CDK2: variants seen among roughly 807,000 people sequenced by gnomAD.
The protein encoded by CDK2 is cyclin dependent kinase 2.
CDK2 carries 8 observed loss-of-function variants against 35.0 expected under a neutral mutation model. The ratio of observed to expected loss-of-function variants is 0.23; its 90% CI spans 0.13 to 0.41. CDK2 has a LOEUF of 0.41. CDK2 is among the 10% of genes least tolerant of loss of function. The pLI is 1.00. For synonymous variants in CDK2, 134 were observed against 137.7 expected (o/e 0.97, Z 0.19); for missense variants, 201 against 367.1 (o/e 0.55, Z 3.70).
intron 6 of CDK2, 130 bp from the exon 7 acceptor site, chr12:55,971,391 C>T (rs1889470669): frequency 3.4e-5 from 37 of 1,083,464 alleles, no homozygotes; most frequent in Non-Finnish European, 5.0e-5. Flanking sequence ...ACTGATTCAG[C>T]TATGGGAGGA....
chr12:55,968,712 G>C, intron 3 of CDK2, 66 bp from the exon 4 acceptor site: 1 of 1,277,382 alleles, frequency 7.8e-7, no homozygotes, highest in Non-Finnish European at 1.1e-6. Context: ...AGTTTTAGGG[G>C]CACAGAGCAA....
chr12:55,966,926 GC>G lies in CDK2; in HGVS notation c.-78del. ...ACTGGGCCCTGTTTCCCCCTCCTCG[GC>G]CCCCGAGAGCCAGGGTCCGCCTTCT... On this transcript the variant is annotated 5_prime_UTR_variant, in exon 1 of 7. Coordinates refer to ENST00000266970, the MANE Select transcript of CDK2 (RefSeq NM_001798.5). The G allele has an allele frequency of 8.6e-7, 1 of 1,162,156 alleles. No individual in the cohort carries two copies. The highest frequency in any genetic ancestry group is 1.2e-6 in the Non-Finnish European group (1 of 801,716). 72.0% of individuals were successfully genotyped at this position (1,162,156 alleles called of 1,614,324 possible).
At chr12:55,969,362 A>G (rs1261960939) in intron 4 of CDK2, 113 bp from the exon 5 acceptor site, 5 of 515,454 alleles carry the variant, frequency 9.7e-6, no homozygotes, top group Non-Finnish European at 1.8e-5. Flanking sequence ...GATGGAGGGA[A>G]GGAAACTGCT....
chr12:55,968,700 A>C, intron 3 of CDK2, 78 bp from the exon 4 acceptor site: 2 of 1,082,748 alleles, frequency 1.8e-6, no homozygotes, highest in African/African-American at 1.6e-5. Flanking sequence ...AGGCTTTAGT[A>C]GAGTTTTAGG....
chr12:55,969,009 CAA>C, intron 4 of CDK2, 61 bp downstream of exon 4: 1 of 1,252,782 alleles, frequency 8.0e-7, no homozygotes, highest in Non-Finnish European at 1.1e-6. Flanking sequence ...AGGGTATTCA[CAA>C]AGTTACTAAA....
intron 1 of CDK2, 92 bp downstream of exon 1, chr12:55,967,216 G>T: frequency 1.1e-6 from 1 of 899,186 alleles, no homozygotes; most frequent in South Asian, 1.4e-5. Context: ...CCAGGGACCG[G>T]AAGAGAGCAG....
At chr12:55,969,005 T>G in intron 4 of CDK2, 57 bp downstream of exon 4, 2 of 1,290,400 alleles carry the variant, frequency 1.5e-6, no homozygotes, top group East Asian at 4.8e-5. Flanking sequence ...AACTAGGGTA[T>G]TCACAAAGTT....
chr12:55,971,661 TCTC>T lies in CDK2; in HGVS notation c.*41_*43del. On this transcript the variant is annotated 3_prime_UTR_variant, in exon 7 of 7. Coordinates refer to ENST00000266970, the MANE Select transcript of CDK2 (RefSeq NM_001798.5). ...GAAGCCCCCAGCCCTAATCTCACCCTCTCCTCCAGTGTGGGCTTGACCAGGCTT... is the reference window on the plus strand; with the variant it reads ...GAAGCCCCCAGCCCTAATCTCACCCTCTCCAGTGTGGGCTTGACCAGGCTT... 1.4e-6 allele frequency: 2 copies of T among 1,469,078 alleles called. No homozygotes were observed. The highest frequency in any genetic ancestry group is 1.9e-6 in the Non-Finnish European group (2 of 1,047,906). The allele number at this position is 1,469,078 out of a possible 1,614,324, so 91.0% of individuals were successfully genotyped here. A position where few individuals can be genotyped will look rare whatever the true frequency, so the allele number is the denominator to read the frequency against.
intron 5 of CDK2, 83 bp from the exon 6 acceptor site, chr12:55,970,961 G>A (rs771751594): frequency 1.9e-5 from 23 of 1,211,948 alleles, no homozygotes; most frequent in South Asian, 6.0e-5. Context: ...ACCTTTTACT[G>A]TCTGTGGGAA....
At chr12:55,970,584 A>T in intron 5 of CDK2, 1 of 701,298 alleles carries the variant, frequency 1.4e-6, no homozygotes, top group Non-Finnish European at 2.6e-6. Context: ...ATTCATCAAA[A>T]AATATTTGTT....
chr12:55,972,660 C>CT lies in CDK2; in HGVS notation c.*1036dup, dbSNP rs1491105155. The CT allele has an allele frequency of 8.3e-6, 1 of 120,120 alleles. No homozygotes were observed. Among genetic ancestry groups the CT allele is most frequent in the Non-Finnish European group, 1.8e-5 (1 of 56,662 alleles). The allele number at this position is 120,120 out of a possible 1,614,324, so 7.4% of individuals were successfully genotyped here. ...ACCTTGGGGTTTTGTAATGACAGTG[C>CT]TAAAAAAAAAAAGCATTTTTTTTTT... is the stretch of plus-strand genomic sequence containing the variant. On this transcript the variant is annotated 3_prime_UTR_variant, in exon 7 of 7. Transcript: ENST00000266970.
chr12:55,970,677 G>T, intron 5 of CDK2: 1 of 702,340 alleles, frequency 1.4e-6, no homozygotes, highest in Non-Finnish European at 2.6e-6. Context: ...TGCCCGCTGT[G>T]CTCGTATCTA....
chr12:55,971,661 T>C lies in CDK2; in HGVS notation c.*36T>C. On this transcript the variant is annotated 3_prime_UTR_variant, in exon 7 of 7. Transcript: ENST00000266970. ...GAAGCCCCCAGCCCTAATCTCACCC[T>C]CTCCTCCAGTGTGGGCTTGACCAGG... 1 of 1,469,078 alleles carries C rather than the reference T, an allele frequency of 6.8e-7. No individual in the cohort carries two copies. Among genetic ancestry groups the C allele is most frequent in the East Asian group, 2.3e-5 (1 of 44,198 alleles). 91.0% of individuals were successfully genotyped at this position (1,469,078 alleles called of 1,614,324 possible).
At chr12:55,969,831 G>A in intron 5 of CDK2, 1 of 308,016 alleles carries the variant, frequency 3.2e-6, no homozygotes. Context: ...CATTTCTGCA[G>A]CTGTTTTAGC....
chr12:55,970,147 C>T (rs1889435285), intron 5 of CDK2, among the ~76,000 whole-genome samples: 1 of 151,774 alleles, frequency 6.6e-6, no homozygotes, highest in Non-Finnish European at 1.5e-5. Context: ...CCAGGTGTGG[C>T]TACTTGGGAT....
chr12:55,968,211 G>C (rs1339630940), intron 3 of CDK2, 42 bp downstream of exon 3: 1 of 1,608,128 alleles, frequency 6.2e-7, no homozygotes, highest in South Asian at 1.1e-5. Context: ...GGCATGTCTT[G>C]GGGGACTGGT....
At chr12:55,969,614 C>G (rs747228634) in intron 5 of CDK2, 38 bp downstream of exon 5, 1 of 1,171,290 alleles carries the variant, frequency 8.5e-7, no homozygotes, top group East Asian at 2.4e-5. Flanking sequence ...AGCCCCCTCC[C>G]TCTCCTCCCC....
chr12:55,967,634 CT>C, intron 1 of CDK2: 1 of 564,550 alleles, frequency 1.8e-6, no homozygotes, highest in Non-Finnish European at 3.2e-6. Context: ...CACCAGGCGG[CT>C]TTACTTACCT....
chr12:55,967,863 T>C lies in CDK2; in HGVS notation c.123T>C (p.Thr41=), dbSNP rs568687267. 1.2e-5 allele frequency: 20 copies of C among 1,613,754 alleles called. No individual in the cohort carries two copies. In the East Asian group the frequency reaches 4.0e-4, roughly 32 times the overall value. ...ALKKIRLDTE[T]EGVPSTAIRE... The stretch of plus-strand genomic sequence containing the variant: ...CTTTCCCAACCTCTCCAAGTGAGAC[T>C]GAGGGTGTGCCCAGTACTGCCATCC... Residue 41 remains threonine (T), a synonymous_variant, in exon 2 of 7, where the codon ACT becomes ACC. Transcript: ENST00000266970.
Sources: gnomAD v4.1 joint callset for allele counts (sites outside exome capture counted in the v4.1 genomes callset) on GRCh38, gnomAD v4.1.1 for gene constraint, MANE v1.5 for transcripts, NCBI Gene and HGNC (gene_info 2026-07-23, HGNC 2026-07-21) for gene names.